Variants in SGCD observed in about 807,000 individuals in gnomAD.
SGCD encodes the protein sarcoglycan delta, also known as delta-sarcoglycan.
A neutral mutation model predicts 36.6 loss-of-function variants in SGCD; 18 were observed. The ratio of observed to expected loss-of-function variants is 0.49; its 90% CI spans 0.34 to 0.73. The LOEUF is 0.73. SGCD is among the 30% of genes least tolerant of loss of function. SGCD has a pLI of 0.01. For missense variants in SGCD, 387 were observed against 346.7 expected (o/e 1.12, Z -0.92); for synonymous variants, 133 against 130.6 (o/e 1.02, Z -0.12).
chr5:156,091,447 C>A (rs1439679116), intron 1 of SGCD, among the ~76,000 whole-genome samples: 1 of 152,178 alleles, frequency 6.6e-6, no homozygotes, highest in Admixed American at 6.5e-5. Flanking sequence ...CTCTGTGCAG[C>A]AGTACTGTCA....
intron 1 of SGCD, among the ~76,000 whole-genome samples, chr5:155,931,087 G>A (rs1465984287): frequency 6.6e-6 from 1 of 152,016 alleles, no homozygotes; most frequent in Non-Finnish European, 1.5e-5. Context: ...TATGTTGATG[G>A]GATATGTTCC....
chr5:156,508,887 A>T (rs1756818880), intron 4 of SGCD, among the ~76,000 whole-genome samples, 185 bp downstream of exon 4: 1 of 152,166 alleles, frequency 6.6e-6, no homozygotes, highest in African/African-American at 2.4e-5. Flanking sequence ...AGCAAGTGAG[A>T]TGACCTCTCT....
intron 1 of SGCD, among the ~76,000 whole-genome samples, chr5:155,940,701 C>T (rs961024357): frequency 2.0e-5 from 3 of 151,896 alleles, no homozygotes; most frequent in Admixed American, 6.6e-5. Flanking sequence ...AAAAATTAGC[C>T]AGGTGTGGTG....
At chr5:156,742,356 G>A (rs1316913740) in intron 7 of SGCD, among the ~76,000 whole-genome samples, 3 of 151,862 alleles carry the variant, frequency 2.0e-5, no homozygotes, top group Non-Finnish European at 2.9e-5. Context: ...AACTCATGAT[G>A]TTCTATCCAC....
At chr5:155,972,927 A>G (rs1758035498) in intron 1 of SGCD, among the ~76,000 whole-genome samples, 1 of 151,680 alleles carries the variant, frequency 6.6e-6, no homozygotes, top group African/African-American at 2.4e-5. Flanking sequence ...TTCAGATGAA[A>G]CTCTTTAGAT....
rs561328077 is a variant in SGCD, at chr5:156,056,645, T to TAAAAAAAAAAA, written c.-281-61223_-281-61213dup. Among the ~76,000 whole-genome samples, 62 of 68,254 alleles carry TAAAAAAAAAAA rather than the reference T, an allele frequency of 9.1e-4. 1 individual carries two copies. Among genetic ancestry groups the TAAAAAAAAAAA allele is most frequent in the East Asian group, 1.9e-3 (3 of 1,572 alleles). The allele number at this position is 68,254 out of a possible 152,430, so 44.8% of individuals were successfully genotyped here. A position where few individuals can be genotyped will look rare whatever the true frequency, so the allele number is the denominator to read the frequency against. On this transcript the variant is annotated intron_variant, in intron 1 of 9. Transcript: ENST00000517913. ...GGTCCCCTACCTGCCAAATTATCCT[T>TAAAAAAAAAAA]AAAAAAAAAAAAAAAAAAAACAGTC... is the stretch of plus-strand genomic sequence containing the variant.
At chr5:156,334,609 C>CTTTTTTTTTTTTTTTTTTTT (rs35767339) in intron 2 of SGCD, among the ~76,000 whole-genome samples, 7 of 105,064 alleles carry the variant, frequency 6.7e-5, no homozygotes, top group Non-Finnish European at 1.1e-4. Context: ...GGTCTATTTT[C>CTTTTTTTTTTTTTTTTTTTT]TTTTTTTTTT....
intron 7 of SGCD, among the ~76,000 whole-genome samples, chr5:156,723,540 G>C (rs1028829971): frequency 2.6e-5 from 4 of 152,356 alleles, no homozygotes; most frequent in Admixed American, 2.6e-4. Context: ...ATGCAAAATT[G>C]CAGCAGTTAA....
intron 3 of SGCD, among the ~76,000 whole-genome samples, chr5:156,487,088 C>T (rs988984387): frequency 6.6e-6 from 1 of 152,040 alleles, no homozygotes; most frequent in Non-Finnish European, 1.5e-5. Flanking sequence ...GTATATGCTG[C>T]CAGGAACCCG....
At chr5:155,898,716 C>T (rs567920952) in intron 1 of SGCD, among the ~76,000 whole-genome samples, 10 of 152,246 alleles carry the variant, frequency 6.6e-5, no homozygotes, top group African/African-American at 2.4e-4. Flanking sequence ...GCCAGCCATC[C>T]CCTCAGGATA....
chr5:156,320,590 A>G (rs532474176), intron 3 of SGCD, among the ~76,000 whole-genome samples: 3 of 152,204 alleles, frequency 2.0e-5, no homozygotes, highest in Non-Finnish European at 4.4e-5. Flanking sequence ...TTAAAAAGGT[A>G]TGTTTGCAAT....
intron 6 of SGCD, among the ~76,000 whole-genome samples, chr5:156,631,376 C>T (rs950309235): frequency 1.3e-4 from 20 of 151,398 alleles, no homozygotes; most frequent in Non-Finnish European, 2.9e-4. Context: ...AACTGTCACT[C>T]AGATTGACAA....
rs80098688 is a variant in SGCD at position 156,214,728 on chromosome 5, T to G, written c.-44+90709T>G. Among the ~76,000 whole-genome samples, 56 of 152,156 alleles carry G rather than the reference T, an allele frequency of 3.7e-4. No individual in the cohort carries two copies. The East Asian group carries it at 6.4e-3, about 17-fold the overall frequency. On this transcript the variant is annotated intron_variant, in intron 3 of 9. Transcript: ENST00000517913. ...CAAAGCTGTAATAATCAAAACAGCA[T>G]GGTGCTAGTGTAAAAGCAGACACAT...
intron 3 of SGCD, among the ~76,000 whole-genome samples, chr5:156,180,654 G>A (rs558636254): frequency 6.6e-6 from 1 of 152,126 alleles, no homozygotes; most frequent in Non-Finnish European, 1.5e-5. Context: ...GGAGGAAAAG[G>A]CATTCAACAT....
chr5:156,274,470 TAA>T (rs1561595649), intron 3 of SGCD, among the ~76,000 whole-genome samples: 12 of 152,138 alleles, frequency 7.9e-5, no homozygotes, highest in African/African-American at 2.9e-4. Flanking sequence ...AGTCATTTTT[TAA>T]AAAATTTTAG....
chr5:156,408,043 G>T (rs551522655), intron 3 of SGCD, among the ~76,000 whole-genome samples: 1 of 152,270 alleles, frequency 6.6e-6, no homozygotes, highest in Non-Finnish European at 1.5e-5. Flanking sequence ...TAAAGAAGGA[G>T]TAGCTGTGAA....
intron 1 of SGCD, among the ~76,000 whole-genome samples, chr5:156,074,251 A>T (rs369238520): frequency 6.6e-6 from 1 of 152,334 alleles, no homozygotes; most frequent in East Asian, 1.9e-4. Context: ...TGTGGTATGG[A>T]TGAAAGACTG....
intron 7 of SGCD, among the ~76,000 whole-genome samples, chr5:156,699,724 A>G (rs1007738390): frequency 1.3e-5 from 2 of 152,122 alleles, no homozygotes; most frequent in Non-Finnish European, 2.9e-5. Flanking sequence ...AATGACGACA[A>G]GATCCACAAT....
At chr5:156,668,506 C>T (rs114445510) in intron 7 of SGCD, among the ~76,000 whole-genome samples, 2,682 of 152,246 alleles carry the variant, frequency 0.018, 34 homozygotes, top group Non-Finnish European at 0.029. Flanking sequence ...ATATTTGAGC[C>T]ATTTCCATCT....
Sources: allele counts gnomAD v4.1 joint callset (sites outside exome capture counted in the v4.1 genomes callset), GRCh38; gene constraint gnomAD v4.1.1; transcripts MANE v1.5; gene names NCBI Gene and HGNC (gene_info 2026-07-23, HGNC 2026-07-21).